Variants in CELF2 observed in about 807,000 individuals in gnomAD.
CELF2 encodes CUGBP Elav-like family member 2, also known as CUG triplet repeat RNA-binding protein 2.
CELF2 carries 8 observed loss-of-function variants against 62.6 expected under a neutral mutation model. The ratio of observed to expected loss-of-function variants is 0.13; its 90% CI spans 0.07 to 0.23. CELF2 has a LOEUF of 0.23. CELF2 is among the 10% of genes least tolerant of loss of function. The probability of loss-of-function intolerance (pLI) is 1.00; values close to 1 mark genes in which losing one functional copy is unlikely to be tolerated. For synonymous variants in CELF2, 258 were observed against 250.0 expected (o/e 1.03, Z -0.30); for missense variants, 333 against 671.0 (o/e 0.50, Z 5.56).
intron 1 of CELF2, among the ~76,000 whole-genome samples, chr10:11,150,401 A>C (rs1341517997): frequency 3.3e-5 from 5 of 152,250 alleles, no homozygotes; most frequent in African/African-American, 4.8e-5. Flanking sequence ...TGTTTTGAAA[A>C]GACTTCCTTC....
chr10:10,838,905 C>T (rs1032936277), intron 1 of CELF2, among the ~76,000 whole-genome samples: 1 of 151,792 alleles, frequency 6.6e-6, no homozygotes, highest in African/African-American at 2.4e-5. Context: ...TTTGGGAGGC[C>T]GAGGCGGGCA....
intron 1 of CELF2, among the ~76,000 whole-genome samples, chr10:11,132,143 TGC>T (rs2059725177): frequency 6.6e-6 from 1 of 152,260 alleles, no homozygotes; most frequent in South Asian, 2.1e-4. Flanking sequence ...CCTTCCCTTA[TGC>T]GTTGTTTGTA....
intron 2 of CELF2, among the ~76,000 whole-genome samples, chr10:11,190,902 A>G (rs2076160948): frequency 1.3e-5 from 2 of 150,534 alleles, no homozygotes. Flanking sequence ...GCAGGAGGGA[A>G]CAGGGAGTAA....
intron 2 of CELF2, among the ~76,000 whole-genome samples, chr10:11,213,744 A>G (rs2062548687): frequency 1.3e-5 from 2 of 152,210 alleles, no homozygotes; most frequent in Non-Finnish European, 2.9e-5. Flanking sequence ...TAATTGCTGT[A>G]TCTAAGCTGA....
the CELF2 span, among the ~76,000 whole-genome samples, chr10:10,596,830 G>A: frequency 6.6e-6 from 1 of 152,230 alleles, no homozygotes; most frequent in South Asian, 2.1e-4. Context: ...GGAGTGGCAT[G>A]GAATTTGGGG....
At chr10:11,022,633 T>C (rs1213421724) in intron 1 of CELF2, among the ~76,000 whole-genome samples, 1 of 152,164 alleles carries the variant, frequency 6.6e-6, no homozygotes, top group African/African-American at 2.4e-5. Context: ...TCCCCAAACT[T>C]CATTTCTCTT....
At chr10:11,029,936 C>T (rs866051190) in intron 1 of CELF2, among the ~76,000 whole-genome samples, 1 of 152,218 alleles carries the variant, frequency 6.6e-6, no homozygotes, top group Non-Finnish European at 1.5e-5. Context: ...ACGTGATTGG[C>T]CACACTTTTA....
At chr10:10,906,622 T>A (rs2063356704) in intron 1 of CELF2, among the ~76,000 whole-genome samples, 1 of 151,522 alleles carries the variant, frequency 6.6e-6, no homozygotes, top group Admixed American at 6.6e-5. Context: ...TTTGATGCTA[T>A]AAAAATATAC....
At chr10:10,488,519 G>A in the CELF2 span, among the ~76,000 whole-genome samples, 17 of 152,110 alleles carry the variant, frequency 1.1e-4, no homozygotes, top group African/African-American at 3.1e-4. Context: ...TAACTTATAA[G>A]CTACAAAAAC....
chr10:10,913,887 A>G (rs201902455), intron 1 of CELF2, among the ~76,000 whole-genome samples: 1,673 of 81,322 alleles, frequency 0.021, 37 homozygotes, highest in African/African-American at 0.085. Flanking sequence ...AGGAAGGAAG[A>G]AGGAAGGGAG....
rs149429405 is a variant in CELF2 at position 11,304,279 on chromosome 10, C to T, written c.977-9860C>T. 2.6e-3 allele frequency among the ~76,000 whole-genome samples: 399 copies of T among 152,254 alleles called. 3 individuals are homozygous for T. Among genetic ancestry groups the T allele is most frequent in the Non-Finnish European group, 4.4e-3 (298 of 68,022 alleles). The stretch of plus-strand genomic sequence containing the variant: ...TCTTCAGAGCCAGCAAGTCCTCATG[C>T]TGCCATCTCTGATTTTTTCTCTTTT... On this transcript the variant is annotated intron_variant, in intron 9 of 12. Transcript: ENST00000633077.
chr10:11,096,129 G>A (rs778604740), intron 1 of CELF2, among the ~76,000 whole-genome samples: 2 of 151,816 alleles, frequency 1.3e-5, no homozygotes, highest in Non-Finnish European at 2.9e-5. Context: ...CACCAATGCA[G>A]AGGAAATGCA....
chr10:10,700,449 G>A, the CELF2 span, among the ~76,000 whole-genome samples: 4 of 152,186 alleles, frequency 2.6e-5, no homozygotes, highest in African/African-American at 2.4e-5. Flanking sequence ...AGATATTGCA[G>A]TTTTAAAACA....
At chr10:11,213,193 T>A (rs1161384489) in intron 2 of CELF2, among the ~76,000 whole-genome samples, 1 of 151,456 alleles carries the variant, frequency 6.6e-6, no homozygotes, top group Non-Finnish European at 1.5e-5. Context: ...TCCCCTCTGA[T>A]GCATGGTGCG....
the CELF2 span, among the ~76,000 whole-genome samples, chr10:10,757,872 T>A: frequency 1.4e-4 from 22 of 152,210 alleles, no homozygotes; most frequent in Non-Finnish European, 2.8e-4. Context: ...GTTTAAAACT[T>A]GTAAAGAATC....
At chr10:11,101,046 A>G (rs1479285666) in intron 1 of CELF2, among the ~76,000 whole-genome samples, 3 of 152,128 alleles carry the variant, frequency 2.0e-5, no homozygotes, top group African/African-American at 4.8e-5. Flanking sequence ...TGTTTCTTTT[A>G]TGGGTGTTTG....
In CELF2 at chr10:11,046,135, T is replaced by A. The variant is rs999395016; in HGVS notation, c.74+27972T>A. On this transcript the variant is annotated intron_variant, in intron 1 of 12. Coordinates refer to ENST00000633077, the MANE Select transcript of CELF2 (RefSeq NM_001326342.2). The surrounding 1 kb of genome is among the most constrained non-coding windows in gnomAD (Gnocchi z 4.6). ...CTGTTCTATTTGCTGCTGTTTAATG[T>A]TTTCCTGCCTCCCCAACCGGGCTGC... Among the ~76,000 whole-genome samples, 8 of 152,204 alleles carry A rather than the reference T, an allele frequency of 5.3e-5. No individual in the cohort carries two copies. Among genetic ancestry groups the A allele is most frequent in the Admixed American group, 1.3e-4 (2 of 15,278 alleles).
intron 1 of CELF2, among the ~76,000 whole-genome samples, chr10:10,828,240 T>C (rs192399878): frequency 6.6e-6 from 1 of 152,266 alleles, no homozygotes; most frequent in Non-Finnish European, 1.5e-5. Flanking sequence ...CATGACAGCA[T>C]TATTCATTCA....
At chr10:11,226,467 T>G (rs2066574060) in intron 3 of CELF2, among the ~76,000 whole-genome samples, 1 of 152,176 alleles carries the variant, frequency 6.6e-6, no homozygotes, top group Non-Finnish European at 1.5e-5. Context: ...AAATCCTCAG[T>G]CCTGCCCCAC....
Sources: allele counts gnomAD v4.1 joint callset (sites outside exome capture counted in the v4.1 genomes callset), GRCh38; gene constraint gnomAD v4.1.1; non-coding constraint Gnocchi (gnomAD v3.1); transcripts MANE v1.5; gene names NCBI Gene and HGNC (gene_info 2026-07-23, HGNC 2026-07-21).